Variants in CA10 observed in about 807,000 individuals in gnomAD.
The protein encoded by CA10 is carbonic anhydrase 10 (inactive).
CA10 carries 14 observed loss-of-function variants against 44.2 expected under a neutral mutation model. The ratio of observed to expected loss-of-function variants is 0.32; its 90% CI spans 0.21 to 0.50. The LOEUF (loss-of-function observed/expected upper bound fraction) is 0.50, where lower values mean the gene tolerates loss of function less well. CA10 is among the 20% of genes least tolerant of loss of function. CA10 has a pLI of 0.99. For synonymous variants in CA10, 159 were observed against 141.6 expected, an observed-to-expected ratio of 1.12 and a Z score of -0.87; for missense variants, 350 against 409.7, an observed-to-expected ratio of 0.85 and a Z score of 1.26.
intron 1 of CA10, among the ~76,000 whole-genome samples, chr17:52,148,794 A>G (rs987175928): frequency 1.4e-4 from 21 of 152,206 alleles, no homozygotes; most frequent in African/African-American, 4.6e-4. Context: ...GTCACTACAC[A>G]CATTTTATAG....
intron 1 of CA10, among the ~76,000 whole-genome samples, chr17:52,131,734 T>C (rs1247844568): frequency 2.0e-5 from 3 of 152,156 alleles, no homozygotes; most frequent in African/African-American, 7.2e-5. Flanking sequence ...ATTTAGTTTA[T>C]CAAAATAGAC....
chr17:51,635,990 C>T lies in CA10; in HGVS notation c.654G>A (p.Gln218=). The T allele has an allele frequency of 1.3e-6, 2 of 1,580,456 alleles. No homozygotes were observed. The highest frequency in any genetic ancestry group is 8.6e-7 in the Non-Finnish European group (1 of 1,161,804). The change falls in exon 7 of 9, where the codon CAG becomes CAA. Residue 218 remains glutamine (Q), a synonymous_variant. Transcript: ENST00000451037. ...GATATAGTTCCTCTATATTAAGCCC[C>T]TGTAGTAAATATGCATCATCTAGAG... ...ITYKNDAYLL[Q]GLNIEELYPE...
chr17:52,107,020 T>C (rs958570405), intron 1 of CA10, among the ~76,000 whole-genome samples: 3 of 152,230 alleles, frequency 2.0e-5, no homozygotes, highest in Non-Finnish European at 4.4e-5. Flanking sequence ...AATATTCTGC[T>C]TCCTGAAAGA....
At chr17:51,902,152 C>T (rs780697854) in intron 3 of CA10, among the ~76,000 whole-genome samples, 2 of 152,148 alleles carry the variant, frequency 1.3e-5, no homozygotes, top group African/African-American at 2.4e-5. Context: ...AATTTCATTT[C>T]TGGAGATGAC....
intron 1 of CA10, among the ~76,000 whole-genome samples, chr17:52,108,699 C>CAAAA (rs759411898): frequency 1.1e-3 from 99 of 91,830 alleles, no homozygotes; most frequent in Middle Eastern, 6.0e-3. Context: ...GACTCCGTCT[C>CAAAA]AAAAAAAAAA....
At chr17:51,846,893 G>A (rs1253871483) in intron 3 of CA10, among the ~76,000 whole-genome samples, 1 of 152,174 alleles carries the variant, frequency 6.6e-6, no homozygotes. Flanking sequence ...TGGCTGACAG[G>A]GATCAATGTA....
chr17:51,661,247 T>C (rs1041649461), intron 4 of CA10, among the ~76,000 whole-genome samples: 8 of 152,178 alleles, frequency 5.3e-5, no homozygotes, highest in Admixed American at 3.3e-4. Context: ...TAATTGTTAA[T>C]GAATGAAGCA....
intron 3 of CA10, among the ~76,000 whole-genome samples, chr17:51,863,364 G>C (rs919128600): frequency 6.6e-6 from 1 of 152,160 alleles, no homozygotes; most frequent in Non-Finnish European, 1.5e-5. Flanking sequence ...TGTCTAGAAG[G>C]CCACCTTTGA....
intron 3 of CA10, among the ~76,000 whole-genome samples, chr17:51,780,628 A>G (rs1232907091): frequency 6.6e-6 from 1 of 152,228 alleles, no homozygotes; most frequent in Non-Finnish European, 1.5e-5. Context: ...GCAATAAAAT[A>G]TGACAAATGC....
chr17:51,814,809 T>G (rs985653455), intron 3 of CA10, among the ~76,000 whole-genome samples: 7 of 152,214 alleles, frequency 4.6e-5, no homozygotes, highest in Non-Finnish European at 1.5e-5. Flanking sequence ...TTTTGCTCAG[T>G]GGAGCTGGGC....
Position 51,931,116 on chromosome 17 carries a change from T to A in CA10, c.153A>T (p.Gly51=), listed in dbSNP as rs369235836. 3.5e-4 allele frequency: 567 copies of A among 1,613,220 alleles called. 1 individual carries two copies. The highest frequency in any genetic ancestry group is 4.5e-4 in the Non-Finnish European group (529 of 1,179,570). ...AAAGATTCCAAGCTGAGTTCACCAA[T>A]CCCCAGAAAGAAGGAACTAGAAACA... ...GSFVPVPSFW[G]LVNSAWNLCS... The change falls in exon 3 of 9, where the codon GGA becomes GGT. Residue 51 remains glycine, a synonymous_variant. Coordinates refer to ENST00000451037, the MANE Select transcript of CA10 (RefSeq NM_020178.5).
At chr17:52,117,649 A>G (rs1179197370) in intron 1 of CA10, among the ~76,000 whole-genome samples, 3 of 152,226 alleles carry the variant, frequency 2.0e-5, no homozygotes, top group African/African-American at 7.2e-5. Context: ...GATGCCTAGC[A>G]CATAATTAAA....
intron 3 of CA10, among the ~76,000 whole-genome samples, chr17:51,898,441 G>T (rs1192320236): frequency 6.6e-6 from 1 of 151,992 alleles, no homozygotes; most frequent in Non-Finnish European, 1.5e-5. Context: ...TGTGCTGCTG[G>T]GTTTGGTTTG....
intron 3 of CA10, among the ~76,000 whole-genome samples, chr17:51,915,688 G>C (rs770039954): frequency 6.6e-6 from 1 of 151,920 alleles, no homozygotes; most frequent in Non-Finnish European, 1.5e-5. Flanking sequence ...TAAGCCTTTT[G>C]GAAATTCATC....
chr17:51,809,077 A>G lies in CA10; in HGVS notation c.280-61259T>C, dbSNP rs557493817. On this transcript the variant is annotated intron_variant, in intron 3 of 8. Transcript: ENST00000451037. ...CTTGGCATCTAGATCTTCTCATAGCACTATGAGACCTAAATAAAAAAAAAA... is the reference window on the plus strand; with the variant it reads ...CTTGGCATCTAGATCTTCTCATAGCGCTATGAGACCTAAATAAAAAAAAAA... Among the ~76,000 whole-genome samples, 646 of 151,864 alleles carry G rather than the reference A, an allele frequency of 4.3e-3. 4 individuals carry two copies. The highest frequency in any genetic ancestry group is 0.015 in the African/African-American group (613 of 41,220).
At chr17:52,010,417 C>T (rs1567701554) in intron 2 of CA10, among the ~76,000 whole-genome samples, 1 of 151,784 alleles carries the variant, frequency 6.6e-6, no homozygotes, top group Non-Finnish European at 1.5e-5. Flanking sequence ...TGTACATACA[C>T]ATACACCATG....
At chr17:52,140,854 G>C (rs1468524082) in intron 1 of CA10, among the ~76,000 whole-genome samples, 1 of 152,114 alleles carries the variant, frequency 6.6e-6, no homozygotes, top group Admixed American at 6.5e-5. Context: ...ATCTCTCAGA[G>C]CCTGGTAAAG....
In CA10 at chr17:51,631,522, A is replaced by T; in HGVS notation, c.*62T>A. On this transcript the variant is annotated 3_prime_UTR_variant, in exon 9 of 9. Transcript: ENST00000451037. ...AGAGAAGCAAGAAGGGGGACATTCTAGGTTACGTCAATTCACAGTTGTAGC... is the reference window on the plus strand; with the variant it reads ...AGAGAAGCAAGAAGGGGGACATTCTTGGTTACGTCAATTCACAGTTGTAGC... The T allele has an allele frequency of 7.0e-7, 1 of 1,424,830 alleles. No individual in the cohort carries two copies. Among genetic ancestry groups the T allele is most frequent in the Non-Finnish European group, 9.9e-7 (1 of 1,008,754 alleles). The allele number at this position is 1,424,830 out of a possible 1,614,324, so 88.3% of individuals were successfully genotyped here.
chr17:52,070,163 A>T (rs1013248612), intron 2 of CA10, among the ~76,000 whole-genome samples: 3 of 152,202 alleles, frequency 2.0e-5, no homozygotes, highest in Non-Finnish European at 4.4e-5. Flanking sequence ...AATCTTCTCT[A>T]CCAGAAAGAC....
Sources: gnomAD v4.1 joint callset for allele counts (sites outside exome capture counted in the v4.1 genomes callset) on GRCh38, gnomAD v4.1.1 for gene constraint, MANE v1.5 for transcripts, NCBI Gene and HGNC (gene_info 2026-07-23, HGNC 2026-07-21) for gene names.